The following TSPAN15 variants were observed in gnomAD, a reference collection of about 807,000 sequenced individuals.
The protein encoded by TSPAN15 is tetraspanin-15.
TSPAN15 carries 20 observed loss-of-function variants against 34.5 expected under a neutral mutation model. The observed-to-expected ratio is 0.58, with a 90% confidence interval of 0.41 to 0.84. The LOEUF is 0.84. Among genes scored for constraint, TSPAN15 ranks in the 40% least tolerant of loss-of-function variants. The pLI, the probability that TSPAN15 is intolerant of heterozygous loss-of-function variation, is 0.00. For synonymous variants in TSPAN15, 155 were observed against 153.9 expected (o/e 1.01, Z -0.05); for missense variants, 313 against 386.1 (o/e 0.81, Z 1.59).
chr10:69,469,306 T>TAATA (rs1182049515), intron 1 of TSPAN15, among the ~76,000 whole-genome samples: 1 of 152,192 alleles, frequency 6.6e-6, no homozygotes, highest in Non-Finnish European at 1.5e-5. Context: ...GTATTCTTTG[T>TAATA]AATACACTGG....
chr10:69,461,314 A>G (rs1413544869), intron 1 of TSPAN15, among the ~76,000 whole-genome samples: 1 of 152,204 alleles, frequency 6.6e-6, no homozygotes, highest in Non-Finnish European at 1.5e-5. Context: ...AATTTTTTCC[A>G]AAAGGGACTT....
intron 1 of TSPAN15, among the ~76,000 whole-genome samples, chr10:69,462,806 G>A (rs748102991): frequency 1.3e-5 from 2 of 152,198 alleles, no homozygotes; most frequent in Non-Finnish European, 2.9e-5. Flanking sequence ...CATCTCTTAC[G>A]ATCTGGACAG....
At chr10:69,459,105 C>CAAAAAAAAAAAAAAA (rs1259881929) in intron 1 of TSPAN15, among the ~76,000 whole-genome samples, 9 of 57,646 alleles carry the variant, frequency 1.6e-4, no homozygotes, top group Non-Finnish European at 2.7e-4. Flanking sequence ...ACAAAACAGA[C>CAAAAAAAAAAAAAAA]AAAAAAAAAA....
At chr10:69,499,568 G>A (rs902839942) in intron 5 of TSPAN15, among the ~76,000 whole-genome samples, 7 of 152,160 alleles carry the variant, frequency 4.6e-5, no homozygotes, top group African/African-American at 1.4e-4. Context: ...ACAAATATTG[G>A]CTGAGAACCT....
rs986709106 is a variant in TSPAN15 at position 69,489,945 on chromosome 10, G to T, written c.357+4730G>T. Among the ~76,000 whole-genome samples the T allele has an allele frequency of 2.0e-5, 3 of 152,230 alleles. No homozygotes were observed. The East Asian group carries it at 5.8e-4, about 29-fold the overall frequency. The stretch of plus-strand genomic sequence containing the variant: ...GTCCCAGCTTGTTCTGGGGCTTCTT[G>T]TGAGGGTGTCAGGTGTCAGAGGTGG... On this transcript the variant is annotated intron_variant, in intron 3 of 7. Transcript: ENST00000373290.
chr10:69,514,350 TCA>T, the TSPAN15 span, among the ~76,000 whole-genome samples: 1 of 152,352 alleles, frequency 6.6e-6, no homozygotes, highest in African/African-American at 2.4e-5. Context: ...CATTTTGGTA[TCA>T]GAGTCATGCT....
Position 69,476,331 on chromosome 10 carries a change from G to A in TSPAN15, c.97-7360G>A, listed in dbSNP as rs370258975. ...ATATGTAGAACCTTAGAGTATGACA[G>A]TGGGGTCATAGCAGATCAGTGGGGA... On this transcript the variant is annotated intron_variant, in intron 1 of 7. Coordinates refer to ENST00000373290, the MANE Select transcript of TSPAN15 (RefSeq NM_012339.5). 2.4e-4 allele frequency among the ~76,000 whole-genome samples: 37 copies of A among 152,268 alleles called. 1 individual carries two copies. The East Asian group carries it at 6.7e-3, about 28-fold the overall frequency.
At chr10:69,492,974 A>G (rs1841999631) in intron 3 of TSPAN15, among the ~76,000 whole-genome samples, 4 of 152,220 alleles carry the variant, frequency 2.6e-5, no homozygotes, top group Admixed American at 2.6e-4. Flanking sequence ...CAAGGCCCTG[A>G]CCCTGGCGGC....
intron 5 of TSPAN15, among the ~76,000 whole-genome samples, chr10:69,501,031 C>T (rs1019654672): frequency 3.3e-5 from 5 of 151,944 alleles, no homozygotes; most frequent in African/African-American, 7.3e-5. Flanking sequence ...CAGATGTGGG[C>T]GATGAATGAA....
chr10:69,536,108 TTTGACATCC>T, the TSPAN15 span, among the ~76,000 whole-genome samples: 17 of 152,226 alleles, frequency 1.1e-4, no homozygotes, highest in African/African-American at 3.6e-4. Context: ...AATAAAAATG[TTTGACATCC>T]TGTCATCAAG....
intron 1 of TSPAN15, among the ~76,000 whole-genome samples, chr10:69,458,934 C>T (rs10823379): frequency 0.21 from 32,359 of 151,910 alleles, 3,639 homozygotes; most frequent in South Asian, 0.28. Context: ...CCCTCCTGCC[C>T]GGAGGCCTTT....
intron 1 of TSPAN15, among the ~76,000 whole-genome samples, chr10:69,467,398 G>T (rs1841407206): frequency 6.6e-6 from 1 of 152,108 alleles, no homozygotes; most frequent in Non-Finnish European, 1.5e-5. Context: ...TTTCCTGATG[G>T]CACTGAATCT....
chr10:69,490,582 G>A (rs1268562155), intron 3 of TSPAN15, among the ~76,000 whole-genome samples: 2 of 152,168 alleles, frequency 1.3e-5, no homozygotes, highest in African/African-American at 4.8e-5. Flanking sequence ...GTAGCTAGGC[G>A]TGGTAGTGGG....
chr10:69,507,843 C>A (rs1842368670), downstream of TSPAN15, among the ~76,000 whole-genome samples: 1 of 151,272 alleles, frequency 6.6e-6, no homozygotes, highest in African/African-American at 2.4e-5. Flanking sequence ...GAGGTGACCA[C>A]GCCTATTTTA....
At chr10:69,483,929 C>T in intron 2 of TSPAN15, 53 bp downstream of exon 2, 1 of 1,567,760 alleles carries the variant, frequency 6.4e-7, no homozygotes, top group Middle Eastern at 2.3e-4. Flanking sequence ...AGCTGGGGCG[C>T]CTGCCCCTGT....
chr10:69,463,950 C>T (rs1841326582), intron 1 of TSPAN15, among the ~76,000 whole-genome samples: 2 of 152,140 alleles, frequency 1.3e-5, no homozygotes. Flanking sequence ...CCTGAGTGTG[C>T]CATAAATCCA....
intron 1 of TSPAN15, among the ~76,000 whole-genome samples, chr10:69,481,479 C>T (rs749162924): frequency 6.6e-6 from 1 of 152,204 alleles, no homozygotes; most frequent in African/African-American, 2.4e-5. Flanking sequence ...TTTTGGCATC[C>T]CCGTCACGCA....
chr10:69,496,534 C>G (rs1041494863), intron 4 of TSPAN15, among the ~76,000 whole-genome samples: 4 of 152,122 alleles, frequency 2.6e-5, no homozygotes, highest in African/African-American at 7.2e-5. Context: ...GTGCTTAGAA[C>G]AGTGCCAAGC....
the TSPAN15 span, among the ~76,000 whole-genome samples, chr10:69,517,185 C>T: frequency 2.8e-4 from 42 of 152,226 alleles, no homozygotes; most frequent in Non-Finnish European, 3.8e-4. Context: ...GCTCTCCCTT[C>T]CTCTCGCTGC....
Sources: allele counts gnomAD v4.1 joint callset (sites outside exome capture counted in the v4.1 genomes callset), GRCh38; gene constraint gnomAD v4.1.1; transcripts MANE v1.5; gene names NCBI Gene and HGNC (gene_info 2026-07-23, HGNC 2026-07-21).